The following OXR1 variants were observed in gnomAD, a reference collection of about 807,000 sequenced individuals.
OXR1 encodes the protein oxidation resistance 1, also known as oxidation resistance protein 1.
OXR1 carries 41 observed loss-of-function variants against 104.6 expected under a neutral mutation model. That is an observed-to-expected ratio of 0.39 (90% confidence interval 0.31 to 0.51). OXR1 has a LOEUF of 0.51. OXR1 is among the 20% of genes least tolerant of loss of function. The pLI is 0.77. For synonymous variants in OXR1, 348 were observed against 348.4 expected (o/e 1.00, Z 0.01); for missense variants, 955 against 1,031.9 (o/e 0.93, Z 1.02).
intron 1 of OXR1, among the ~76,000 whole-genome samples, chr8:106,330,512 A>G (rs1814664795): frequency 6.6e-6 from 1 of 152,238 alleles, no homozygotes; most frequent in Admixed American, 6.5e-5. Flanking sequence ...AGATCATTTA[A>G]AAAAGAAATC....
intron 1 of OXR1, among the ~76,000 whole-genome samples, chr8:106,320,839 T>C (rs989643891): frequency 3.3e-5 from 5 of 152,102 alleles, no homozygotes; most frequent in African/African-American, 1.2e-4. Context: ...GCCTAGCTAA[T>C]TTTTGTATTT....
chr8:106,383,840 A>T (rs1386533533), intron 2 of OXR1, among the ~76,000 whole-genome samples: 1 of 152,184 alleles, frequency 6.6e-6, no homozygotes, highest in Admixed American at 6.5e-5. Flanking sequence ...AGCACTTAGG[A>T]TTAAAAAAAT....
chr8:106,737,639 A>G, intron 12 of OXR1, 39 bp downstream of exon 12: 1 of 768,798 alleles, frequency 1.3e-6, no homozygotes, highest in Non-Finnish European at 1.9e-6. Flanking sequence ...CAGAGACTAA[A>G]TACTCCCTGT....
chr8:106,686,236 C>T (rs1828702316), intron 6 of OXR1, among the ~76,000 whole-genome samples: 1 of 151,294 alleles, frequency 6.6e-6, no homozygotes, highest in Middle Eastern at 3.4e-3. Context: ...GAACTTACTC[C>T]TGTAACCAGA....
At chr8:106,513,322 C>CCA (rs779311687) in intron 2 of OXR1, among the ~76,000 whole-genome samples, 1 of 152,028 alleles carries the variant, frequency 6.6e-6, no homozygotes, top group Non-Finnish European at 1.5e-5. Flanking sequence ...AATTGCATTA[C>CCA]CACTTCTTGT....
At chr8:106,739,337 T>C in intron 12 of OXR1, 121 bp from the exon 13 acceptor site, 4 of 843,214 alleles carry the variant, frequency 4.7e-6, no homozygotes, top group Non-Finnish European at 7.4e-6. Context: ...TATAAAATCT[T>C]AAGGTTAAAG....
At chr8:106,709,949 A>G (rs986971558) in intron 9 of OXR1, among the ~76,000 whole-genome samples, 5 of 152,108 alleles carry the variant, frequency 3.3e-5, no homozygotes, top group African/African-American at 4.8e-5. Context: ...ATGAGTACCC[A>G]GGTCTCCTGA....
intron 1 of OXR1, among the ~76,000 whole-genome samples, chr8:106,283,423 A>G (rs1381541695): frequency 6.6e-6 from 1 of 152,164 alleles, no homozygotes; most frequent in African/African-American, 2.4e-5. Context: ...AGAAGGACCG[A>G]CGTCAAACTT....
intron 3 of OXR1, among the ~76,000 whole-genome samples, chr8:106,574,676 G>C (rs765980343): frequency 3.0e-4 from 46 of 152,166 alleles, no homozygotes; most frequent in Non-Finnish European, 5.9e-5. Flanking sequence ...GCTAAGTAAG[G>C]GGCATCTGTC....
intron 3 of OXR1, among the ~76,000 whole-genome samples, chr8:106,602,597 G>A (rs909813827): frequency 4.6e-5 from 7 of 152,044 alleles, no homozygotes; most frequent in Non-Finnish European, 8.8e-5. Flanking sequence ...CAAGAGTGGT[G>A]GAAGATGGTG....
At chr8:106,367,621 G>A (rs1816530378) in intron 2 of OXR1, among the ~76,000 whole-genome samples, 1 of 152,046 alleles carries the variant, frequency 6.6e-6, no homozygotes, top group Non-Finnish European at 1.5e-5. Flanking sequence ...ATGAATGACA[G>A]AAATTTCTGC....
chr8:106,433,178 G>T lies in OXR1; in HGVS notation c.23+73542G>T, dbSNP rs1819432458. Among the ~76,000 whole-genome samples the T allele has an allele frequency of 2.0e-5, 3 of 152,290 alleles. No homozygotes were observed. The South Asian group carries it at 6.2e-4, about 32-fold the overall frequency. ...GGTAGATAGGGGCTTGGGAAGTGGG[G>T]AGTGCTGATTGGTCAGGTTGGAGAT... On this transcript the variant is annotated intron_variant, in intron 2 of 16. Transcript: ENST00000517566.
At chr8:106,518,811 C>A (rs139300821) in intron 2 of OXR1, 132 bp from the exon 3 acceptor site, 75 of 532,734 alleles carry the variant, frequency 1.4e-4, no homozygotes, top group African/African-American at 1.4e-3. Context: ...TAGGGAATGT[C>A]TATCATTTCT....
At chr8:106,624,573 G>T (rs1018341048) in intron 3 of OXR1, among the ~76,000 whole-genome samples, 1 of 152,122 alleles carries the variant, frequency 6.6e-6, no homozygotes, top group South Asian at 2.1e-4. Context: ...TGAGGTCTCA[G>T]AGATAGCTGA....
At chr8:106,694,516 G>A (rs1486596079) in intron 7 of OXR1, among the ~76,000 whole-genome samples, 1 of 118,316 alleles carries the variant, frequency 8.5e-6, no homozygotes, top group Non-Finnish European at 1.7e-5. Flanking sequence ...ATATATATTT[G>A]ATATATAAAT....
intron 1 of OXR1, among the ~76,000 whole-genome samples, chr8:106,331,368 AATT>A (rs1313486448): frequency 6.6e-6 from 1 of 152,154 alleles, no homozygotes; most frequent in Non-Finnish European, 1.5e-5. Flanking sequence ...TCACAATTAA[AATT>A]ATTGTTGCCA....
At chr8:106,473,572 C>T (rs559372974) in intron 2 of OXR1, among the ~76,000 whole-genome samples, 1 of 151,732 alleles carries the variant, frequency 6.6e-6, no homozygotes, top group African/African-American at 2.4e-5. Context: ...TATTTTTACA[C>T]AAAGCGTATG....
At chr8:106,584,505 G>A (rs191217268) in intron 3 of OXR1, among the ~76,000 whole-genome samples, 198 of 152,136 alleles carry the variant, frequency 1.3e-3, no homozygotes, top group African/African-American at 4.5e-3. Flanking sequence ...TAAATCATGA[G>A]GGAGACATAT....
intron 2 of OXR1, among the ~76,000 whole-genome samples, chr8:106,410,282 TG>T (rs1818409459): frequency 6.6e-6 from 1 of 152,200 alleles, no homozygotes; most frequent in African/African-American, 2.4e-5. Flanking sequence ...ATTCTTTTGT[TG>T]CCAAGCAAAA....
Sources: allele counts gnomAD v4.1 joint callset (sites outside exome capture counted in the v4.1 genomes callset), GRCh38; gene constraint gnomAD v4.1.1; transcripts MANE v1.5; gene names NCBI Gene and HGNC (gene_info 2026-07-23, HGNC 2026-07-21).